The following SPATA13 variants were observed in gnomAD, a reference collection of about 807,000 sequenced individuals.
The protein encoded by SPATA13 is spermatogenesis-associated protein 13.
Under a neutral mutation model 104.0 loss-of-function variants are expected in SPATA13, and 50 were observed. That is an observed-to-expected ratio of 0.48 (90% CI 0.38 to 0.61). The LOEUF is 0.61. Ranked by LOEUF, SPATA13 falls within the 20% of genes least tolerant of loss-of-function variation. The pLI is 0.00. For missense variants in SPATA13, 1,524 were observed against 1,690.6 expected (o/e 0.90, Z 1.73); for synonymous variants, 606 against 667.5 (o/e 0.91, Z 1.42).
chr13:24,079,909 C>T (rs1167837312), intron 3 of SPATA13, among the ~76,000 whole-genome samples: 2 of 152,180 alleles, frequency 1.3e-5, no homozygotes, highest in Non-Finnish European at 2.9e-5. Context: ...AAAGTCAACC[C>T]GTGTCCCAAC....
At chr13:24,017,660 T>C in intron 2 of SPATA13, 2 of 985,464 alleles carry the variant, frequency 2.0e-6, no homozygotes, top group Non-Finnish European at 2.4e-6. Flanking sequence ...ATTTTTTTCC[T>C]TTCCAGAGCT....
chr13:24,122,899 C>T, intron 3 of SPATA13: 1 of 775,326 alleles, frequency 1.3e-6, no homozygotes, highest in Non-Finnish European at 2.4e-6. Context: ...AAGCAGATTC[C>T]CTCGAGCTGT....
At chr13:24,147,844 G>A (rs959287665) in intron 3 of SPATA13, among the ~76,000 whole-genome samples, 3 of 152,114 alleles carry the variant, frequency 2.0e-5, no homozygotes, top group African/African-American at 4.8e-5. Flanking sequence ...CAGTGGAATC[G>A]TACGGGATTG....
chr13:24,246,804 G>A (rs951937734), intron 2 of SPATA13, among the ~76,000 whole-genome samples: 2 of 151,834 alleles, frequency 1.3e-5, no homozygotes, highest in African/African-American at 4.8e-5. Flanking sequence ...TGGAGGTTGC[G>A]GTGAGCCGAG....
At chr13:23,988,508 G>A (rs1875258259) in intron 2 of SPATA13, among the ~76,000 whole-genome samples, 1 of 152,186 alleles carries the variant, frequency 6.6e-6, no homozygotes, top group Non-Finnish European at 1.5e-5. Context: ...AAGCATGTTG[G>A]TCAATCAGAA....
At chr13:24,103,096 T>G (rs1429651307) in intron 3 of SPATA13, among the ~76,000 whole-genome samples, 2 of 152,160 alleles carry the variant, frequency 1.3e-5, no homozygotes, top group African/African-American at 4.8e-5. Context: ...AAGTCATTCT[T>G]GGGTTTCATT....
chr13:24,186,769 G>A (rs2760359), intron 1 of SPATA13, among the ~76,000 whole-genome samples: 96,452 of 152,030 alleles, frequency 0.63, 30,724 homozygotes, highest in Non-Finnish European at 0.65. Context: ...GGGCAACAAC[G>A]CTATTGAGGC....
chr13:24,212,124 TGAA>T (rs1469931667), intron 1 of SPATA13, among the ~76,000 whole-genome samples: 1 of 151,914 alleles, frequency 6.6e-6, no homozygotes, highest in Non-Finnish European at 1.5e-5. Flanking sequence ...TGTTCAGAGA[TGAA>T]GGAGGCCAGG....
chr13:24,064,088 A>G (rs1878868202), intron 3 of SPATA13, among the ~76,000 whole-genome samples: 1 of 152,130 alleles, frequency 6.6e-6, no homozygotes, highest in Non-Finnish European at 1.5e-5. Context: ...CTACCCTTCC[A>G]GCACTTTCTC....
intron 3 of SPATA13, among the ~76,000 whole-genome samples, chr13:24,067,335 ATATG>A (rs34624842): frequency 0.44 from 67,057 of 151,672 alleles, 14,996 homozygotes; most frequent in Middle Eastern, 0.52. Flanking sequence ...TTCCTGAGCT[ATATG>A]TATGTACCCT....
At chr13:24,212,053 G>A (rs1871049312) in intron 1 of SPATA13, among the ~76,000 whole-genome samples, 2 of 152,154 alleles carry the variant, frequency 1.3e-5, no homozygotes, top group Non-Finnish European at 2.9e-5. Context: ...TCAGACACGA[G>A]GGACCAAGGA....
intron 2 of SPATA13, among the ~76,000 whole-genome samples, chr13:24,233,063 A>C (rs2138629869): frequency 1.3e-5 from 2 of 152,270 alleles, no homozygotes; most frequent in Middle Eastern, 6.8e-3. Flanking sequence ...TTCATTTTTT[A>C]ATATATGAAC....
At chr13:24,215,258 G>A (rs934239677) in intron 1 of SPATA13, among the ~76,000 whole-genome samples, 2 of 152,192 alleles carry the variant, frequency 1.3e-5, no homozygotes, top group South Asian at 4.1e-4. Context: ...GGCAGGGAGG[G>A]CTTGCAAGAA....
chr13:24,257,084 C>A (rs1873826494), intron 4 of SPATA13, among the ~76,000 whole-genome samples: 1 of 152,230 alleles, frequency 6.6e-6, no homozygotes, highest in African/African-American at 2.4e-5. Flanking sequence ...AACCATACTT[C>A]TTCCTTTAAC....
chr13:24,137,131 G>T (rs1354301764), intron 3 of SPATA13, among the ~76,000 whole-genome samples: 1 of 151,966 alleles, frequency 6.6e-6, no homozygotes. Flanking sequence ...CGCCCGGCCT[G>T]TTCTTTATTT....
chr13:24,091,410 T>C lies in SPATA13; in HGVS notation c.-112+73709T>C, dbSNP rs373001683. On this transcript the variant is annotated intron_variant, in intron 3 of 14. Coordinates refer to the SPATA13 transcript ENST00000424834. Reference sequence around the variant, plus strand: ...TGGTATCACCACTTCAAAACGCTGCTGTGTTAAACAATTGCCATTAATAGT... The same window carrying C: ...TGGTATCACCACTTCAAAACGCTGCCGTGTTAAACAATTGCCATTAATAGT... 3.9e-5 allele frequency among the ~76,000 whole-genome samples: 6 copies of C among 152,240 alleles called. No individual in the cohort carries two copies. In the East Asian group the frequency reaches 7.7e-4, roughly 20 times the overall value.
chr13:24,098,724 C>T (rs1257778951), intron 3 of SPATA13, among the ~76,000 whole-genome samples: 5 of 151,838 alleles, frequency 3.3e-5, no homozygotes, highest in Admixed American at 6.6e-5. Flanking sequence ...GTCAAGAGAT[C>T]GAGACCATCC....
chr13:23,996,542 A>T (rs1875703406), intron 2 of SPATA13, among the ~76,000 whole-genome samples: 1 of 152,240 alleles, frequency 6.6e-6, no homozygotes, highest in South Asian at 2.1e-4. Context: ...TGATGTGCAG[A>T]AACAGCTGGG....
chr13:23,999,921 G>T (rs1875878747), intron 2 of SPATA13, among the ~76,000 whole-genome samples: 1 of 152,164 alleles, frequency 6.6e-6, no homozygotes, highest in African/African-American at 2.4e-5. Context: ...CCAAATACCT[G>T]AATTGCAGCA....
Sources: gnomAD v4.1 joint callset for allele counts (sites outside exome capture counted in the v4.1 genomes callset) on GRCh38, gnomAD v4.1.1 for gene constraint, MANE v1.5 for transcripts, NCBI Gene and HGNC (gene_info 2026-07-23, HGNC 2026-07-21) for gene names.